HDAC4: variants seen among roughly 807,000 people sequenced by gnomAD.
HDAC4 encodes histone deacetylase 4.
In HDAC4, 16 loss-of-function variants were observed where a neutral mutation model predicts 135.1. The ratio of observed to expected loss-of-function variants is 0.12; its 90% CI spans 0.08 to 0.18. The LOEUF is 0.18. Among genes scored for constraint, HDAC4 ranks in the 10% least tolerant of loss-of-function variants. The pLI, the probability that HDAC4 is intolerant of heterozygous loss-of-function variation, is 1.00. For synonymous variants in HDAC4, 685 were observed against 653.4 expected (o/e 1.05, Z -0.74); for missense variants, 1,143 against 1,511.8 (o/e 0.76, Z 4.05).
At chr2:239,053,688 G>T in intron 25 of HDAC4, 87 bp from the exon 26 acceptor site, 2 of 1,149,580 alleles carry the variant, frequency 1.7e-6, no homozygotes, top group Non-Finnish European at 2.5e-6. Flanking sequence ...GGGACCCTGA[G>T]CCTCAAACCA....
At chr2:239,144,804 G>T in intron 7 of HDAC4, 90 bp from the exon 8 acceptor site, 2 of 1,353,810 alleles carry the variant, frequency 1.5e-6, no homozygotes, top group South Asian at 1.2e-5. Context: ...ACGCACTCTG[G>T]TGAGTAAATA....
At chr2:239,277,792 C>T (rs548065814) in intron 2 of HDAC4, among the ~76,000 whole-genome samples, 1 of 152,242 alleles carries the variant, frequency 6.6e-6, no homozygotes, top group Non-Finnish European at 1.5e-5. Flanking sequence ...AGCAACTCCA[C>T]CCGGGCCGGG....
At chr2:239,179,281 G>T (rs530098067) in intron 4 of HDAC4, among the ~76,000 whole-genome samples, 1 of 152,218 alleles carries the variant, frequency 6.6e-6, no homozygotes, top group Non-Finnish European at 1.5e-5. Flanking sequence ...TACGACAGGG[G>T]TCCCCACCTC....
At chr2:239,350,256 T>G (rs1575733833) in intron 2 of HDAC4, among the ~76,000 whole-genome samples, 1 of 151,890 alleles carries the variant, frequency 6.6e-6, no homozygotes, top group East Asian at 1.9e-4. Flanking sequence ...AAAAGAACAG[T>G]CATTAATTTT....
chr2:239,376,308 T>G lies in HDAC4; in HGVS notation c.-219-23390A>C, dbSNP rs1032747889. Among the ~76,000 whole-genome samples the G allele has an allele frequency of 2.0e-5, 3 of 151,626 alleles. No homozygotes were observed. The South Asian group carries it at 6.3e-4, about 32-fold the overall frequency. Reference sequence around the variant, plus strand: ...CATCCAAACACCAAGGAAGGTGCTGTGTGCTCACAACCCTCCACCATCCAA... The same window carrying G: ...CATCCAAACACCAAGGAAGGTGCTGGGTGCTCACAACCCTCCACCATCCAA... On this transcript the variant is annotated intron_variant, in intron 1 of 26. Coordinates refer to ENST00000543185, the MANE Select transcript of HDAC4 (RefSeq NM_001378414.1).
rs970981159 is a variant in HDAC4, at chr2:239,240,694, G to A, written c.23-4030C>T. Among the ~76,000 whole-genome samples the A allele has an allele frequency of 4.6e-5, 7 of 152,180 alleles. No individual in the cohort carries two copies. The highest frequency in any genetic ancestry group is 4.8e-5 in the African/African-American group (2 of 41,448). ...TGCAGACCAGATGCACACTGAGAGG[G>A]AGGCCGAGGAGCACGGGTACCTCGT... On this transcript the variant is annotated intron_variant, in intron 2 of 26. Transcript: ENST00000543185. This position sits in a 1 kb window ranked among gnomAD's most constrained non-coding sequence, Gnocchi z 4.5.
chr2:239,372,797 A>G (rs1694725675), intron 1 of HDAC4, among the ~76,000 whole-genome samples: 1 of 152,058 alleles, frequency 6.6e-6, no homozygotes, highest in Non-Finnish European at 1.5e-5. Flanking sequence ...CATTCCATAC[A>G]CATACACACA....
chr2:239,265,016 C>A (rs1401563399), intron 2 of HDAC4, among the ~76,000 whole-genome samples: 1 of 152,170 alleles, frequency 6.6e-6, no homozygotes, highest in African/African-American at 2.4e-5. Flanking sequence ...AGGCCCAATG[C>A]GGGCTGAAGT....
intron 3 of HDAC4, among the ~76,000 whole-genome samples, chr2:239,204,483 G>T (rs1215591600): frequency 3.9e-5 from 6 of 152,208 alleles, no homozygotes; most frequent in African/African-American, 1.4e-4. Flanking sequence ...GGCTGCGATG[G>T]GCCCAGGGAA....
intron 19 of HDAC4, among the ~76,000 whole-genome samples, chr2:239,084,603 A>AC (rs2035702940): frequency 1.4e-5 from 2 of 147,810 alleles, no homozygotes; most frequent in East Asian, 2.0e-4. Flanking sequence ...ACACACACAC[A>AC]CCCCCCACAG....
At chr2:239,111,767 T>C in intron 13 of HDAC4, 55 bp from the exon 14 acceptor site, 1 of 1,477,960 alleles carries the variant, frequency 6.8e-7, no homozygotes, top group South Asian at 1.2e-5. Flanking sequence ...GCCCCTGGGC[T>C]GCAGGGCTAG....
intron 13 of HDAC4, among the ~76,000 whole-genome samples, chr2:239,114,331 T>C (rs1000107888): frequency 1.5e-4 from 23 of 152,208 alleles, no homozygotes; most frequent in African/African-American, 2.4e-4. Flanking sequence ...TGCTGGAGGA[T>C]AGAATCAAAT....
upstream of HDAC4, chr2:239,401,631 G>C (rs926735811): frequency 4.0e-6 from 1 of 250,080 alleles, no homozygotes; most frequent in Non-Finnish European, 7.9e-6. Context: ...TCGCCGCGGC[G>C]TCCATCTTGG....
intron 2 of HDAC4, among the ~76,000 whole-genome samples, chr2:239,266,412 A>C (rs1191141376): frequency 6.6e-6 from 1 of 152,196 alleles, no homozygotes; most frequent in Non-Finnish European, 1.5e-5. Context: ...CCTGCAGCAC[A>C]GATTCACAGC....
intron 5 of HDAC4, 32 bp downstream of exon 5, chr2:239,176,381 C>T (rs1162140630): frequency 5.0e-6 from 8 of 1,598,390 alleles, no homozygotes; most frequent in Non-Finnish European, 5.1e-6. Flanking sequence ...CGGCCTCCCT[C>T]CCTCTGCCTG....
intron 8 of HDAC4, among the ~76,000 whole-genome samples, chr2:239,144,008 G>A (rs1174382053): frequency 6.6e-6 from 1 of 152,142 alleles, no homozygotes; most frequent in Non-Finnish European, 1.5e-5. Flanking sequence ...CAAGAGGGGC[G>A]GGTGAGCCTT....
chr2:239,318,990 A>C (rs1177210448), intron 2 of HDAC4, among the ~76,000 whole-genome samples: 1 of 152,126 alleles, frequency 6.6e-6, no homozygotes, highest in South Asian at 2.1e-4. Context: ...TGAACCAATC[A>C]CATCCTCAGA....
At chr2:239,224,472 G>A (rs1033622052) in intron 3 of HDAC4, among the ~76,000 whole-genome samples, 3 of 152,042 alleles carry the variant, frequency 2.0e-5, no homozygotes, top group East Asian at 1.9e-4. Flanking sequence ...CTCCCGCACC[G>A]CCCACTCCCT....
intron 5 of HDAC4, among the ~76,000 whole-genome samples, chr2:239,176,165 C>T (rs1262297882): frequency 6.6e-6 from 1 of 152,096 alleles, no homozygotes; most frequent in Non-Finnish European, 1.5e-5. Context: ...AGTCCATGCC[C>T]CCACTCCCTC....
Sources: gnomAD v4.1 joint callset for allele counts (sites outside exome capture counted in the v4.1 genomes callset) on GRCh38, gnomAD v4.1.1 for gene constraint, Gnocchi (gnomAD v3.1) non-coding constraint, MANE v1.5 for transcripts, NCBI Gene and HGNC (gene_info 2026-07-23, HGNC 2026-07-21) for gene names.